ZNF609: variants seen among roughly 807,000 people sequenced by gnomAD.
ZNF609 encodes zinc finger protein 609.
Under a neutral mutation model 109.5 loss-of-function variants are expected in ZNF609, and 11 were observed. That is an observed-to-expected ratio of 0.10 (90% CI 0.06 to 0.17). ZNF609 has a LOEUF of 0.17. Among genes scored for constraint, ZNF609 ranks in the 10% least tolerant of loss-of-function variants. The pLI is 1.00. For synonymous variants in ZNF609, 646 were observed against 662.0 expected (o/e 0.98, Z 0.37); for missense variants, 1,559 against 1,772.4 (o/e 0.88, Z 2.16).
At chr15:64,522,926 G>A (rs779404426) in intron 2 of ZNF609, among the ~76,000 whole-genome samples, 68 of 150,230 alleles carry the variant, frequency 4.5e-4, no homozygotes, top group Non-Finnish European at 7.7e-4. Context: ...TTGTCTATTC[G>A]ATGTTTACAT....
chr15:64,647,694 A>T (rs746429032), intron 3 of ZNF609, among the ~76,000 whole-genome samples: 11 of 152,176 alleles, frequency 7.2e-5, no homozygotes, highest in African/African-American at 2.7e-4. Context: ...CTTAGTCATT[A>T]TATCTTTTAT....
chr15:64,592,745 C>T (rs1895322379), intron 2 of ZNF609, among the ~76,000 whole-genome samples: 1 of 131,996 alleles, frequency 7.6e-6, no homozygotes, highest in African/African-American at 2.7e-5. Context: ...GATGAAACCC[C>T]ATTTCTACTT....
At chr15:64,633,645 A>G (rs1266558610) in intron 3 of ZNF609, among the ~76,000 whole-genome samples, 1 of 152,214 alleles carries the variant, frequency 6.6e-6, no homozygotes, top group Admixed American at 6.5e-5. Flanking sequence ...CATTTGCCCT[A>G]CAGTGGCAGA....
At chr15:64,602,824 G>T in intron 2 of ZNF609, among the ~76,000 whole-genome samples, 1 of 132,062 alleles carries the variant, frequency 7.6e-6, no homozygotes, top group African/African-American at 2.8e-5. Context: ...CTGGGTTCAC[G>T]CCATTCTCCT....
At chr15:64,599,889 A>C (rs1180457104) in intron 2 of ZNF609, among the ~76,000 whole-genome samples, 1 of 152,144 alleles carries the variant, frequency 6.6e-6, no homozygotes, top group African/African-American at 2.4e-5. Context: ...TTTTCTTGGG[A>C]AACTACTACT....
chr15:64,650,588 A>C (rs927103035), intron 3 of ZNF609, among the ~76,000 whole-genome samples: 1 of 152,210 alleles, frequency 6.6e-6, no homozygotes, highest in Non-Finnish European at 1.5e-5. Flanking sequence ...ATCTGTACAC[A>C]AAACAGTACC....
At chr15:64,603,349 C>T (rs1895536470) in intron 2 of ZNF609, among the ~76,000 whole-genome samples, 1 of 150,860 alleles carries the variant, frequency 6.6e-6, no homozygotes, top group Admixed American at 6.6e-5. Flanking sequence ...TGGCTCACTG[C>T]AACCTCCACC....
chr15:64,642,455 G>C (rs978922919), intron 3 of ZNF609, among the ~76,000 whole-genome samples: 1 of 152,074 alleles, frequency 6.6e-6, no homozygotes, highest in African/African-American at 2.4e-5. Context: ...AAAGTGCTGA[G>C]ATTACAGGTG....
chr15:64,678,435 A>T lies in ZNF609; in HGVS notation c.3722A>T (p.His1241Leu). Residue 1241 changes from histidine (H) to leucine (L), a missense_variant, in exon 6 of 10, where the codon CAC becomes CTC. Physicochemically the swap from His to Leu is moderately conservative, Grantham distance 99. Transcript: ENST00000326648. The stretch of plus-strand genomic sequence containing the variant: ...TACAGTCAGTCCTACGACCCCAACC[A>T]CCCCAGCTACCGGAGCATGCCTGCT... ...YSYSQSYDPN[H>L]PSYRSMPAVM... 6.2e-7 allele frequency: 1 copy of T among 1,605,982 alleles called. No individual in the cohort carries two copies.
intron 2 of ZNF609, among the ~76,000 whole-genome samples, chr15:64,576,470 C>T (rs996549611): frequency 4.0e-5 from 6 of 151,400 alleles, no homozygotes; most frequent in Non-Finnish European, 8.8e-5. Context: ...AGTCAACACA[C>T]GTCACTGCTA....
intron 2 of ZNF609, among the ~76,000 whole-genome samples, chr15:64,581,367 G>A (rs900091510): frequency 8.6e-5 from 13 of 151,794 alleles, no homozygotes; most frequent in African/African-American, 2.7e-4. Flanking sequence ...GAAAACATAC[G>A]GCTTTCTAGA....
intron 2 of ZNF609, among the ~76,000 whole-genome samples, chr15:64,550,709 G>A (rs1023173161): frequency 2.0e-5 from 3 of 152,152 alleles, no homozygotes; most frequent in Non-Finnish European, 2.9e-5. Context: ...GGTGGCACAT[G>A]CCTGTAATCC....
At chr15:64,462,907 G>A (rs192280763) in intron 1 of ZNF609, among the ~76,000 whole-genome samples, 109 of 152,312 alleles carry the variant, frequency 7.2e-4, no homozygotes, top group African/African-American at 2.5e-3. Flanking sequence ...GAATCCTATT[G>A]TACATATCTG....
At chr15:64,676,323 G>A in intron 5 of ZNF609, 67 bp downstream of exon 5, 1 of 1,479,198 alleles carries the variant, frequency 6.8e-7, no homozygotes, top group Non-Finnish European at 9.1e-7. Context: ...CACAAATAAG[G>A]GCTGTCCTTA....
intron 2 of ZNF609, among the ~76,000 whole-genome samples, chr15:64,564,099 A>G (rs772465575): frequency 6.0e-5 from 9 of 151,230 alleles, no homozygotes; most frequent in Non-Finnish European, 1.3e-4. Flanking sequence ...ATCTTGCACC[A>G]TCCCACCCTG....
intron 2 of ZNF609, among the ~76,000 whole-genome samples, chr15:64,521,927 T>G (rs997318296): frequency 6.6e-6 from 1 of 152,348 alleles, no homozygotes; most frequent in East Asian, 1.9e-4. Flanking sequence ...TGGAGATTGT[T>G]TCTTAATCCC....
chr15:64,526,454 A>T, intron 2 of ZNF609, among the ~76,000 whole-genome samples: 1 of 151,818 alleles, frequency 6.6e-6, no homozygotes, highest in African/African-American at 2.4e-5. Flanking sequence ...TTCTTGTCTA[A>T]TTTTTCTAGC....
At chr15:64,547,581 AC>A (rs1894387024) in intron 2 of ZNF609, among the ~76,000 whole-genome samples, 1 of 152,040 alleles carries the variant, frequency 6.6e-6, no homozygotes, top group Admixed American at 6.6e-5. Context: ...CATAAGAAGT[AC>A]TTCCTAAAAC....
At chr15:64,515,281 G>A (rs1175573944) in intron 2 of ZNF609, among the ~76,000 whole-genome samples, 2 of 152,142 alleles carry the variant, frequency 1.3e-5, no homozygotes, top group African/African-American at 2.4e-5. Context: ...TTATTCGAAG[G>A]CTTGGTGCTT....
Sources: gnomAD v4.1 joint callset for allele counts (sites outside exome capture counted in the v4.1 genomes callset) on GRCh38, gnomAD v4.1.1 for gene constraint, MANE v1.5 for transcripts, NCBI Gene and HGNC (gene_info 2026-07-23, HGNC 2026-07-21) for gene names.